NEK11: variants seen among roughly 807,000 people sequenced by gnomAD.
NEK11 encodes the protein serine/threonine-protein kinase Nek11.
Under a neutral mutation model 80.7 loss-of-function variants are expected in NEK11, and 72 were observed. The ratio of observed to expected loss-of-function variants is 0.89; its 90% CI spans 0.74 to 1.08. The LOEUF (loss-of-function observed/expected upper bound fraction) is 1.08. Among genes scored for constraint, NEK11 ranks in the 50% least tolerant of loss-of-function variants. The pLI is 0.00. For missense variants in NEK11, 764 were observed against 763.6 expected, an observed-to-expected ratio of 1.00 and a Z score of -0.01; for synonymous variants, 251 against 260.7, an observed-to-expected ratio of 0.96 and a Z score of 0.36.
chr3:131,217,809 A>C (rs2094892669), intron 14 of NEK11, among the ~76,000 whole-genome samples: 1 of 152,190 alleles, frequency 6.6e-6, no homozygotes. Context: ...TTCTCACAAC[A>C]ACAATTATAA....
chr3:131,097,887 C>T lies in NEK11; in HGVS notation c.337-11916C>T, dbSNP rs553295139. ...CAAAAGAACAAAGCTGGAGGCATCA[C>T]GCTACCTGACTTCAAACTATACTAC... is the stretch of plus-strand genomic sequence containing the variant. On this transcript the variant is annotated intron_variant, in intron 4 of 17. Transcript: ENST00000383366. 8.3e-5 allele frequency among the ~76,000 whole-genome samples: 12 copies of T among 144,166 alleles called. 1 individual carries two copies. Among genetic ancestry groups the T allele is most frequent in the South Asian group, 2.3e-4 (1 of 4,406 alleles). The allele number at this position is 144,166 out of a possible 152,430, so 94.6% of individuals were successfully genotyped here. A position where few individuals can be genotyped will look rare whatever the true frequency, so the allele number is the denominator to read the frequency against.
intron 3 of NEK11, among the ~76,000 whole-genome samples, chr3:131,059,444 C>T (rs989089786): frequency 2.0e-4 from 31 of 152,200 alleles, no homozygotes; most frequent in African/African-American, 7.0e-4. Flanking sequence ...TTCATATTTT[C>T]CTGAACTTTA....
At chr3:131,263,976 T>C (rs2095990994) in intron 16 of NEK11, among the ~76,000 whole-genome samples, 1 of 152,236 alleles carries the variant, frequency 6.6e-6, no homozygotes, top group African/African-American at 2.4e-5. Context: ...TTGATGAGCA[T>C]TTTTTCATGT....
intron 4 of NEK11, 72 bp downstream of exon 4, chr3:131,080,660 A>T: frequency 7.6e-7 from 1 of 1,313,202 alleles, no homozygotes; most frequent in Non-Finnish European, 1.0e-6. Context: ...CTGTAAAGAG[A>T]TCTTAAAAGT....
intron 15 of NEK11, among the ~76,000 whole-genome samples, chr3:131,232,011 C>G (rs1323959407): frequency 1.3e-5 from 2 of 152,148 alleles, no homozygotes; most frequent in African/African-American, 2.4e-5. Context: ...TTTGTGCCAC[C>G]CATGACAATC....
chr3:131,216,691 A>G (rs548509674), intron 14 of NEK11, among the ~76,000 whole-genome samples: 1 of 152,140 alleles, frequency 6.6e-6, no homozygotes, highest in Admixed American at 6.5e-5. Flanking sequence ...GTGTTAAAAG[A>G]TACCTGGACT....
rs201787959 is a variant in NEK11 at position 131,133,977 on chromosome 3, G to C, written c.647+21G>C. ...ATCTGGTGAGTGGGCTAGTGGGCTA[G>C]ACTCTTCATCTGCTTCCCTAAAAGA... On this transcript the variant is annotated intron_variant, in intron 7 of 17. Coordinates refer to ENST00000383366, the MANE Select transcript of NEK11 (RefSeq NM_024800.5). 6.4e-6 allele frequency: 10 copies of C among 1,574,558 alleles called. No individual in the cohort carries two copies. The African/African-American group carries it at 1.2e-4, about 19-fold the overall frequency.
intron 7 of NEK11, 145 bp from the exon 8 acceptor site, chr3:131,152,241 CTG>C (rs1264103135): frequency 3.6e-6 from 2 of 553,228 alleles, no homozygotes; most frequent in African/African-American, 3.9e-5. Context: ...TGGAAAAAAA[CTG>C]TATGAAACTG....
intron 10 of NEK11, among the ~76,000 whole-genome samples, chr3:131,160,300 C>T (rs9829215): frequency 0.32 from 47,893 of 151,996 alleles, 9,346 homozygotes; most frequent in Middle Eastern, 0.48. Context: ...AAAGAAATTC[C>T]AACCAAGAAT....
intron 17 of NEK11, among the ~76,000 whole-genome samples, chr3:131,315,645 T>A (rs575515920): frequency 6.6e-6 from 1 of 152,080 alleles, no homozygotes; most frequent in East Asian, 1.9e-4. Flanking sequence ...GCTGCACAGA[T>A]CATCCCATCA....
chr3:131,104,628 G>T (rs1382962941), intron 4 of NEK11, among the ~76,000 whole-genome samples: 1 of 152,128 alleles, frequency 6.6e-6, no homozygotes, highest in Admixed American at 6.5e-5. Flanking sequence ...ACAGTCTGCA[G>T]TTCATCCTCT....
intron 3 of NEK11, among the ~76,000 whole-genome samples, chr3:131,074,681 C>T (rs1224722192): frequency 1.3e-5 from 2 of 152,166 alleles, no homozygotes; most frequent in African/African-American, 4.8e-5. Context: ...TATTTTGCTG[C>T]TTGAGCTCCA....
At chr3:131,122,596 G>A (rs1048528005) in intron 5 of NEK11, among the ~76,000 whole-genome samples, 5 of 152,226 alleles carry the variant, frequency 3.3e-5, no homozygotes, top group Non-Finnish European at 5.9e-5. Context: ...GGCTGTGCCA[G>A]CACCTTTGGC....
chr3:131,273,498 A>G lies in NEK11; in HGVS notation c.1642A>G (p.Met548Val), dbSNP rs1279413370. 3 of 1,614,008 alleles carry G rather than the reference A, an allele frequency of 1.9e-6. No homozygotes were observed. Among genetic ancestry groups the G allele is most frequent in the Admixed American group, 1.7e-5 (1 of 60,018 alleles). Residue 548 changes from methionine to valine, a missense_variant, in exon 17 of 18, where the codon ATG (methionine) becomes GTG (valine). Physicochemically the swap from Met to Val is conservative, Grantham distance 21 (BLOSUM62 1). Transcript: ENST00000383366. ...TTCAGACACAAAGACCATCACCACC[A>G]TGGCTGAAGACATGTCCCCAGGACC... ...TSLDTKTITT[M>V]AEDMSPGPPI...
At chr3:131,080,393 A>T (rs776791426) in intron 3 of NEK11, 30 bp from the exon 4 acceptor site, 1 of 1,523,004 alleles carries the variant, frequency 6.6e-7, no homozygotes. Context: ...TTTCAGCTCT[A>T]AATGTTTTTA....
At chr3:131,099,034 A>T (rs1402602535) in intron 4 of NEK11, among the ~76,000 whole-genome samples, 1 of 152,316 alleles carries the variant, frequency 6.6e-6, no homozygotes, top group African/African-American at 2.4e-5. Context: ...GAACTTAGCC[A>T]GAAATTCTTT....
At chr3:131,229,741 G>A (rs576489151) in intron 15 of NEK11, among the ~76,000 whole-genome samples, 2 of 152,140 alleles carry the variant, frequency 1.3e-5, no homozygotes, top group African/African-American at 4.8e-5. Context: ...GGCAAGTGAA[G>A]GGTACAGGTA....
rs146718793 is a variant in NEK11 at position 131,165,264 on chromosome 3, C to T, written c.1083-162C>T. The stretch of plus-strand genomic sequence containing the variant: ...GTGTGTGCTTTAAAAGAGAATCAGC[C>T]GGGTGCTGCACCACATTCACCTTGA... On this transcript the variant is annotated intron_variant, in intron 11 of 17. Coordinates refer to ENST00000383366, the MANE Select transcript of NEK11 (RefSeq NM_024800.5). The T allele has an allele frequency of 1.2e-3, 702 of 565,292 alleles. 2 individuals carry two copies. Among genetic ancestry groups the T allele is most frequent in the African/African-American group, 0.012 (611 of 52,520 alleles). The allele number at this position is 565,292 out of a possible 1,614,324, so 35.0% of individuals were successfully genotyped here.
At chr3:131,202,884 A>G (rs2094295647) in intron 14 of NEK11, among the ~76,000 whole-genome samples, 1 of 152,226 alleles carries the variant, frequency 6.6e-6, no homozygotes, top group African/African-American at 2.4e-5. Flanking sequence ...ATGAGATACT[A>G]TTTCACACCA....
Sources: gnomAD v4.1 joint callset for allele counts (sites outside exome capture counted in the v4.1 genomes callset) on GRCh38, gnomAD v4.1.1 for gene constraint, MANE v1.5 for transcripts, NCBI Gene and HGNC (gene_info 2026-07-23, HGNC 2026-07-21) for gene names.